The following ARL13A variants were observed in gnomAD, a reference collection of about 807,000 sequenced individuals.
ARL13A encodes the protein ARF like GTPase 13A.
In ARL13A, 16 loss-of-function variants were observed where a neutral mutation model predicts 19.1. That is an observed-to-expected ratio of 0.84 (90% CI 0.57 to 1.27). The LOEUF (loss-of-function observed/expected upper bound fraction) is 1.27. Among genes scored for constraint, ARL13A ranks in the 50% most tolerant of loss-of-function variants. ARL13A has a pLI of 0.00. For missense variants in ARL13A, 153 were observed against 186.4 expected (o/e 0.82, Z 1.04); for synonymous variants, 69 against 71.3 (o/e 0.97, Z 0.17).
At chrX:100,972,232 A>G (rs2085663347) in intron 1 of ARL13A, among the ~76,000 whole-genome samples, 1 of 98,551 alleles carries the variant, frequency 1.0e-5, no homozygotes, top group Non-Finnish European at 2.1e-5. Flanking sequence ...CCCGTTCTCA[A>G]TGAGCTGTTG....
intron 3 of ARL13A, among the ~76,000 whole-genome samples, chrX:100,977,754 C>G (rs749497495): frequency 1.8e-5 from 2 of 112,079 alleles, no homozygotes; most frequent in Non-Finnish European, 3.8e-5. Context: ...TGAGAACATA[C>G]GAAATTTATC....
Position 100,987,388 on chromosome X carries a change from A to G in ARL13A, c.487-2A>G. On this transcript the variant is annotated splice_acceptor_variant, in intron 5 of 7. Transcript: ENST00000450049. LOFTEE classifies it high-confidence loss of function. ...GCAGCCTTCTCTTCTCTTTTGTCAC[A>G]GGAGCCATGTTCAGCCATCAGAAAC... 1 of 1,209,538 alleles carries G rather than the reference A, an allele frequency of 8.3e-7. No individual in the cohort carries two copies. The highest frequency in any genetic ancestry group is 1.1e-6 in the Non-Finnish European group (1 of 895,035).
chrX:100,978,337 A>C (rs766178679), intron 3 of ARL13A, among the ~76,000 whole-genome samples: 91 of 111,064 alleles, frequency 8.2e-4, no homozygotes, highest in African/African-American at 2.7e-3. Context: ...ATTGGGGTCT[A>C]TCTCTCTCTC....
intron 3 of ARL13A, among the ~76,000 whole-genome samples, chrX:100,984,228 CT>C (rs1385474219): frequency 9.1e-6 from 1 of 110,415 alleles, no homozygotes; most frequent in African/African-American, 3.3e-5. Context: ...ATTCTCCTGC[CT>C]CAGCCTCTCA....
intron 7 of ARL13A, 74 bp downstream of exon 7, chrX:100,988,357 C>A (rs1602469946): frequency 4.1e-6 from 5 of 1,207,140 alleles, no homozygotes; most frequent in Non-Finnish European, 5.6e-6. Flanking sequence ...CTTTCCCCCC[C>A]ATCATCTTCT....
rs201147602 is a variant in ARL13A, at chrX:100,982,315, A to ACC, written c.131-3348_131-3347dup. Among the ~76,000 whole-genome samples the ACC allele has an allele frequency of 5.6e-4, 61 of 109,187 alleles. No homozygotes were observed. In the East Asian group the frequency reaches 0.011, roughly 19 times the overall value. The allele number at this position is 109,187 out of a possible 115,157, so 94.8% of individuals were successfully genotyped here. A position where few individuals can be genotyped will look rare whatever the true frequency, so the allele number is the denominator to read the frequency against. ...AGACCAGCCTGGCCAACATGGTGAAACCCCCGTCTCTACTAAAAATACAAA... is the reference window on the plus strand; with the variant it reads ...AGACCAGCCTGGCCAACATGGTGAAACCCCCCCGTCTCTACTAAAAATACAAA... On this transcript the variant is annotated intron_variant, in intron 3 of 7. Coordinates refer to ENST00000450049, the MANE Select transcript of ARL13A (RefSeq NM_001162491.2).
chrX:100,983,913 G>A (rs1229877330), intron 3 of ARL13A, among the ~76,000 whole-genome samples: 1 of 110,791 alleles, frequency 9.0e-6, no homozygotes, highest in Non-Finnish European at 1.9e-5. Flanking sequence ...GCAATGCTAT[G>A]GAAAATGTCA....
chrX:100,974,060 A>G, intron 2 of ARL13A, 67 bp from the exon 3 acceptor site: 1 of 881,051 alleles, frequency 1.1e-6, no homozygotes, highest in Non-Finnish European at 1.6e-6. Flanking sequence ...GAAGAGTATA[A>G]CTCTCTGTTT....
rs745408410 is a variant in ARL13A at position 100,987,470 on chromosome X, C to G, written c.567C>G (p.Val189=). ...IVEGLRWLLA[V]IDTCQLPPTS... Reference sequence around the variant, plus strand: ...AAGGACTGCGCTGGCTATTAGCTGTCATTGATACTTGCCAACTACCACCTA... The same window carrying G: ...AAGGACTGCGCTGGCTATTAGCTGTGATTGATACTTGCCAACTACCACCTA... Residue 189 remains valine, a synonymous_variant, in exon 6 of 8, where the codon GTC becomes GTG. Transcript: ENST00000450049. 8.3e-7 allele frequency: 1 copy of G among 1,211,301 alleles called. No individual in the cohort carries two copies. Among genetic ancestry groups the G allele is most frequent in the Admixed American group, 2.2e-5 (1 of 46,027 alleles).
At chrX:100,973,617 A>C in intron 1 of ARL13A, 59 bp from the exon 2 acceptor site, 1 of 1,096,068 alleles carries the variant, frequency 9.1e-7, no homozygotes, top group Admixed American at 2.2e-5. Context: ...AGCTGACTAA[A>C]GGCTCAGTGT....
Position 100,985,899 on chromosome X carries a change from A to G in ARL13A, c.363A>G (p.Ala121=). The G allele has an allele frequency of 8.3e-7, 1 of 1,207,092 alleles. No homozygotes were observed. Among genetic ancestry groups the G allele is most frequent in the Non-Finnish European group, 1.1e-6 (1 of 892,951 alleles). Residue 121 remains alanine (A), a synonymous_variant, in exon 4 of 8, where the codon GCA becomes GCG. Coordinates refer to ENST00000450049, the MANE Select transcript of ARL13A (RefSeq NM_001162491.2). ...ATCTGCTGTCCGATAAAAGAGTGGC[A>G]GGGAAACCCATCTTAATGTAAGATT... ...LTHLLSDKRV[A]GKPILILANK...
At position 100,990,575 on chromosome X, in the gene ARL13A, C is replaced by T. The variant is rs187623535; in HGVS notation, c.758C>T (p.Ser253Phe). 3.5e-6 allele frequency: 4 copies of T among 1,156,217 alleles called. No homozygotes were observed. Among genetic ancestry groups the T allele is most frequent in the Middle Eastern group, 2.3e-4 (1 of 4,271 alleles). Reference protein sequence around the residue: ...LKSILQPSNQSYTH With the variant: ...LKSILQPSNQFYTH ...TCTATATTCTAGCCATCAAATCAAT[C>T]CTATACTCACTGAGAGGCTCAAGAA... The change falls in exon 8 of 8, where the codon TCC becomes TTC. Residue 253 changes from serine (S) to phenylalanine (F), a missense_variant. Transcript: ENST00000450049.
In ARL13A at chrX:100,988,112, G is replaced by A. The variant is rs779571576; in HGVS notation, c.654-81G>A. The stretch of plus-strand genomic sequence containing the variant: ...TCATTGCCCAAAGGCATATGGCAGG[G>A]ATGGGGTAGTAGCTGCATTAGATAA... On this transcript the variant is annotated intron_variant, in intron 6 of 7. Transcript: ENST00000450049. The A allele has an allele frequency of 1.5e-3, 1,193 of 772,578 alleles. 3 individuals carry two copies. Among genetic ancestry groups the A allele is most frequent in the Non-Finnish European group, 2.0e-3 (1,075 of 524,538 alleles). 63.7% of individuals were successfully genotyped at this position (772,578 alleles called of 1,213,427 possible). A position where few individuals can be genotyped will look rare whatever the true frequency, so the allele number is the denominator to read the frequency against.
Position 100,985,803 on chromosome X carries a change from C to T in ARL13A, c.267C>T (p.Ala89=), listed in dbSNP as rs2085927437. ...REAWPNYYAQ[A]HGLVFVLDSS... ...CATGGCCAAACTACTATGCACAGGC[C>T]CATGGGCTTGTTTTCGTCCTGGATT... Residue 89 remains alanine, a synonymous_variant, in exon 4 of 8, where the codon GCC becomes GCT. Coordinates refer to ENST00000450049, the MANE Select transcript of ARL13A (RefSeq NM_001162491.2). 1 of 1,211,469 alleles carries T rather than the reference C, an allele frequency of 8.3e-7. No individual in the cohort carries two copies. Among genetic ancestry groups the T allele is most frequent in the South Asian group, 1.8e-5 (1 of 56,938 alleles).
chrX:100,976,894 A>T (rs1406712881), intron 3 of ARL13A, among the ~76,000 whole-genome samples: 1 of 112,683 alleles, frequency 8.9e-6, no homozygotes, highest in Non-Finnish European at 1.9e-5. Context: ...CACTGCACCC[A>T]GCTGCTGCGA....
At chrX:100,979,899 T>C (rs2085826920) in intron 3 of ARL13A, among the ~76,000 whole-genome samples, 2 of 111,590 alleles carry the variant, frequency 1.8e-5, no homozygotes, top group African/African-American at 3.3e-5. Flanking sequence ...AATTCCCTGG[T>C]TTACCAGGCA....
chrX:100,977,369 C>CT (rs59915769), intron 3 of ARL13A, among the ~76,000 whole-genome samples: 583 of 56,422 alleles, frequency 0.01, 67 homozygotes, highest in African/African-American at 0.033. Flanking sequence ...CTACTCTCTT[C>CT]TTTTTTTTTT....
chrX:100,983,410 G>A (rs1816963695), intron 3 of ARL13A, among the ~76,000 whole-genome samples: 2 of 110,306 alleles, frequency 1.8e-5, no homozygotes, highest in Admixed American at 1.9e-4. Flanking sequence ...AGGCTGAAGT[G>A]CAATGGTGAG....
intron 1 of ARL13A, among the ~76,000 whole-genome samples, chrX:100,970,543 G>A (rs2085640155): frequency 8.9e-6 from 1 of 112,249 alleles, no homozygotes; most frequent in Non-Finnish European, 1.9e-5. Context: ...TCAACATACA[G>A]TCGTCCCTCA....
Sources: allele counts gnomAD v4.1 joint callset (sites outside exome capture counted in the v4.1 genomes callset), GRCh38; gene constraint gnomAD v4.1.1; transcripts MANE v1.5; gene names NCBI Gene and HGNC (gene_info 2026-07-23, HGNC 2026-07-21).